The following UGT8 variants were observed in gnomAD, a reference collection of about 807,000 sequenced individuals.
UGT8 encodes the protein UDP glycosyltransferase 8.
In UGT8, 12 loss-of-function variants were observed where a neutral mutation model predicts 40.5. The observed-to-expected ratio is 0.30, with a 90% CI of 0.19 to 0.48. The LOEUF is 0.48. Among genes scored for constraint, UGT8 ranks in the 20% least tolerant of loss-of-function variants. The pLI, the probability that UGT8 is intolerant of heterozygous loss-of-function variation, is 0.99. For synonymous variants in UGT8, 224 were observed against 240.4 expected, an observed-to-expected ratio of 0.93 and a Z score of 0.63; for missense variants, 513 against 648.7, an observed-to-expected ratio of 0.79 and a Z score of 2.27.
intron 2 of UGT8, among the ~76,000 whole-genome samples, chr4:114,630,944 G>GT (rs1280524311): frequency 6.6e-6 from 1 of 152,014 alleles, no homozygotes; most frequent in African/African-American, 2.4e-5. Flanking sequence ...TTTTGAGGGA[G>GT]TTTAAGGGAG....
In UGT8 at chr4:114,665,701, G is replaced by T; in HGVS notation, c.987G>T (p.Lys329Asn). The change falls in exon 4 of 6, where the codon AAG becomes AAT. Residue 329 changes from lysine (K) to asparagine (N), a missense_variant. Coordinates refer to ENST00000310836, the MANE Select transcript of UGT8 (RefSeq NM_001128174.3). ...VIWRFSGPKP[K>N]NLGNNTKLIE... Reference sequence around the variant, plus strand: ...TTAGGTTTTCTGGACCCAAACCAAAGAATCTAGGAAACAACACTAAACTCA... The same window carrying T: ...TTAGGTTTTCTGGACCCAAACCAAATAATCTAGGAAACAACACTAAACTCA... The T allele has an allele frequency of 6.2e-7, 1 of 1,606,680 alleles. No individual in the cohort carries two copies. The highest frequency in any genetic ancestry group is 8.5e-7 in the Non-Finnish European group (1 of 1,177,112).
intron 1 of UGT8, among the ~76,000 whole-genome samples, chr4:114,619,007 G>A (rs556213596): frequency 1.3e-5 from 2 of 151,932 alleles, no homozygotes; most frequent in South Asian, 4.2e-4. Flanking sequence ...TTTAATTATT[G>A]GGTTTTAAAA....
At chr4:114,658,706 T>TA (rs34900611) in intron 2 of UGT8, among the ~76,000 whole-genome samples, 92,028 of 151,364 alleles carry the variant, frequency 0.61, 30,312 homozygotes, top group East Asian at 0.8. Context: ...CCACAATGAA[T>TA]AAAAAAAAAT....
chr4:114,611,403 C>CATATATATATATATAT (rs60533468), intron 1 of UGT8, among the ~76,000 whole-genome samples: 1 of 106,298 alleles, frequency 9.4e-6, no homozygotes. Context: ...CATATATATC[C>CATATATATATATATAT]ATATATATAT....
At chr4:114,635,454 G>GA (rs1381056021) in intron 2 of UGT8, among the ~76,000 whole-genome samples, 1 of 151,936 alleles carries the variant, frequency 6.6e-6, no homozygotes, top group Non-Finnish European at 1.5e-5. Flanking sequence ...TTTATTGAAA[G>GA]ACTTTTTTTC....
chr4:114,670,442 A>AT (rs900780258), intron 5 of UGT8, among the ~76,000 whole-genome samples: 1 of 150,364 alleles, frequency 6.7e-6, no homozygotes. Context: ...AAAAAAAAAA[A>AT]AAAAAAAAAA....
rs1445853739 is a variant in UGT8, at chr4:114,665,719, T to C, written c.1005T>C (p.Thr335=). The C allele has an allele frequency of 2.5e-6, 4 of 1,610,876 alleles. No individual in the cohort carries two copies. In the African/African-American group the frequency reaches 4.0e-5, roughly 16 times the overall value. ...AACCAAAGAATCTAGGAAACAACACTAAACTCATAGAATGGTTACCACAAA... is the reference window on the plus strand; with the variant it reads ...AACCAAAGAATCTAGGAAACAACACCAAACTCATAGAATGGTTACCACAAA... ...GPKPKNLGNN[T]KLIEWLPQND... The change falls in exon 4 of 6, where the codon ACT becomes ACC. Residue 335 remains threonine (T), a synonymous_variant. Coordinates refer to ENST00000310836, the MANE Select transcript of UGT8 (RefSeq NM_001128174.3).
chr4:114,604,302 C>A (rs2126083728), intron 1 of UGT8, among the ~76,000 whole-genome samples: 1 of 152,076 alleles, frequency 6.6e-6, no homozygotes, highest in South Asian at 2.1e-4. Context: ...ACTCAGAAAA[C>A]AATACAGATG....
chr4:114,674,293 T>G (rs1578477065), intron 5 of UGT8, among the ~76,000 whole-genome samples: 2 of 152,174 alleles, frequency 1.3e-5, no homozygotes, highest in South Asian at 4.1e-4. Context: ...TCCTGTTAAT[T>G]AACTCTGCCA....
intron 2 of UGT8, among the ~76,000 whole-genome samples, chr4:114,649,816 A>T (rs1733795256): frequency 3.3e-5 from 5 of 152,206 alleles, no homozygotes; most frequent in Admixed American, 3.3e-4. Flanking sequence ...TATTTTAAAA[A>T]AAAACCCTTA....
At chr4:114,643,377 C>T (rs184090412) in intron 2 of UGT8, among the ~76,000 whole-genome samples, 1 of 152,174 alleles carries the variant, frequency 6.6e-6, no homozygotes, top group East Asian at 1.9e-4. Context: ...AAAAAAATAG[C>T]ACCGAGCCAT....
rs1467324409 is a variant in UGT8, at chr4:114,677,584, G to A, written c.*1296G>A. 1.3e-5 allele frequency: 2 copies of A among 152,248 alleles called. No homozygotes were observed. Among genetic ancestry groups the A allele is most frequent in the African/African-American group, 4.8e-5 (2 of 41,462 alleles). The allele number at this position is 152,248 out of a possible 1,614,324, so 9.4% of individuals were successfully genotyped here. A position where few individuals can be genotyped will look rare whatever the true frequency, so the allele number is the denominator to read the frequency against. On this transcript the variant is annotated 3_prime_UTR_variant, in exon 6 of 6. Coordinates refer to ENST00000310836, the MANE Select transcript of UGT8 (RefSeq NM_001128174.3). ...TGGAGCAGTGACAGTATTCATTTGA[G>A]AACAGGGATGCAAGTCACAGACATC...
chr4:114,614,489 AGTTT>A (rs1346830538), intron 1 of UGT8, among the ~76,000 whole-genome samples: 1 of 152,146 alleles, frequency 6.6e-6, no homozygotes, highest in African/African-American at 2.4e-5. Flanking sequence ...CTTTTAAATG[AGTTT>A]GTTATCAGGC....
chr4:114,672,676 G>A (rs1735374372), intron 5 of UGT8, among the ~76,000 whole-genome samples: 1 of 152,006 alleles, frequency 6.6e-6, no homozygotes, highest in Admixed American at 6.6e-5. Context: ...GGGGTAGAGG[G>A]TGAGGGGAGG....
At chr4:114,633,260 A>G (rs538044423) in intron 2 of UGT8, among the ~76,000 whole-genome samples, 2 of 152,338 alleles carry the variant, frequency 1.3e-5, no homozygotes, top group East Asian at 3.9e-4. Flanking sequence ...AATAGGGGAA[A>G]TAATAAAGAT....
Position 114,668,139 on chromosome 4 carries a change from A to G in UGT8, c.1097A>G (p.Glu366Gly), listed in dbSNP as rs1237101519. The G allele has an allele frequency of 6.2e-7, 1 of 1,613,826 alleles. No homozygotes were observed. The highest frequency in any genetic ancestry group is 1.1e-5 in the South Asian group (1 of 91,074). Residue 366 changes from glutamate to glycine, a missense_variant, in exon 5 of 6, where the codon GAA becomes GGA. Transcript: ENST00000310836. ...LSHGGLNSIF[E>G]TIYHGVPVVG... ...CATGGTGGTTTGAACAGTATTTTTG[A>G]AACTATATATCATGGTGTGCCTGTA... is the stretch of plus-strand genomic sequence containing the variant.
chr4:114,660,591 A>T (rs970770205), intron 2 of UGT8, among the ~76,000 whole-genome samples: 1 of 152,138 alleles, frequency 6.6e-6, no homozygotes, highest in Non-Finnish European at 1.5e-5. Context: ...TTTTAAAATT[A>T]TAATTCAGTT....
chr4:114,674,693 CACTTTTATGATTTAGTTT>C (rs1735510136), intron 5 of UGT8, among the ~76,000 whole-genome samples: 2 of 152,184 alleles, frequency 1.3e-5, no homozygotes, highest in Non-Finnish European at 2.9e-5. Context: ...CTCAGTCTCC[CACTTTTATGATTTAGTTT>C]ACACTCTTCT....
chr4:114,607,143 G>A (rs528365079), intron 1 of UGT8, among the ~76,000 whole-genome samples: 2 of 152,280 alleles, frequency 1.3e-5, no homozygotes, highest in East Asian at 1.9e-4. Flanking sequence ...TGCCCCTGAA[G>A]CATAGCCCTA....
Sources: gnomAD v4.1 joint callset for allele counts (sites outside exome capture counted in the v4.1 genomes callset) on GRCh38, gnomAD v4.1.1 for gene constraint, MANE v1.5 for transcripts, NCBI Gene and HGNC (gene_info 2026-07-23, HGNC 2026-07-21) for gene names.